The following BMPR1B variants were observed in gnomAD, a reference collection of about 807,000 sequenced individuals.
BMPR1B encodes bone morphogenetic protein receptor type-1B.
BMPR1B carries 12 observed loss-of-function variants against 59.1 expected under a neutral mutation model. That is an observed-to-expected ratio of 0.20 (90% CI 0.13 to 0.33). The LOEUF is 0.33. Ranked by LOEUF, BMPR1B falls within the 10% of genes least tolerant of loss-of-function variation. The pLI is 1.00. For synonymous variants in BMPR1B, 237 were observed against 207.3 expected, an observed-to-expected ratio of 1.14 and a Z score of -1.23; for missense variants, 550 against 610.9, an observed-to-expected ratio of 0.90 and a Z score of 1.05.
chr4:94,783,337 A>G (rs1722650235), intron 1 of BMPR1B, among the ~76,000 whole-genome samples: 1 of 152,116 alleles, frequency 6.6e-6, no homozygotes, highest in South Asian at 2.1e-4. Context: ...CTCTATGGTA[A>G]ACTATCTGGC....
At chr4:94,928,317 T>C (rs1222870390) in intron 2 of BMPR1B, among the ~76,000 whole-genome samples, 4 of 151,918 alleles carry the variant, frequency 2.6e-5, no homozygotes, top group Admixed American at 6.6e-5. Context: ...CATGCACCAC[T>C]GTTTATTTTT....
intron 2 of BMPR1B, among the ~76,000 whole-genome samples, chr4:94,902,162 A>G (rs1457961839): frequency 1.4e-5 from 2 of 145,332 alleles, no homozygotes; most frequent in Admixed American, 7.0e-5. Context: ...TGCTGCGAAT[A>G]TAGCAGTTGA....
At chr4:94,862,013 T>C (rs1390226575) in intron 1 of BMPR1B, among the ~76,000 whole-genome samples, 1 of 151,830 alleles carries the variant, frequency 6.6e-6, no homozygotes, top group Non-Finnish European at 1.5e-5. Context: ...GTAGAAATAA[T>C]AATAGTAGCA....
At chr4:95,124,041 G>A (rs1732727782) in intron 7 of BMPR1B, 135 bp downstream of exon 7, 2 of 643,930 alleles carry the variant, frequency 3.1e-6, no homozygotes, top group African/African-American at 1.8e-5. Context: ...AACTGAAAAT[G>A]TCTGTTACTG....
chr4:95,082,731 G>A (rs146649616), intron 3 of BMPR1B, among the ~76,000 whole-genome samples: 2 of 152,252 alleles, frequency 1.3e-5, no homozygotes, highest in African/African-American at 4.8e-5. Context: ...AAGAGTACAT[G>A]TAAGTGAAGT....
chr4:95,048,240 G>A (rs1726185174), intron 3 of BMPR1B, among the ~76,000 whole-genome samples: 1 of 152,024 alleles, frequency 6.6e-6, no homozygotes, highest in Non-Finnish European at 1.5e-5. Flanking sequence ...ACTGTCAATA[G>A]TGCTGCGATG....
chr4:94,952,560 T>A (rs1472975712), intron 2 of BMPR1B, among the ~76,000 whole-genome samples: 1 of 152,202 alleles, frequency 6.6e-6, no homozygotes, highest in Non-Finnish European at 1.5e-5. Flanking sequence ...TTCCATGTAG[T>A]TGTGCGGTTT....
rs117700870 is a variant in BMPR1B, at chr4:95,150,217, A to G, written c.1252+1294A>G. On this transcript the variant is annotated intron_variant, in intron 11 of 12. Transcript: ENST00000515059. The stretch of plus-strand genomic sequence containing the variant: ...ACTATTTTGTGCAAAAGGAAAGTTA[A>G]TGCAGGAAATTTTCTCTAACCAGAT... Among the ~76,000 whole-genome samples, 279 of 152,324 alleles carry G rather than the reference A, an allele frequency of 1.8e-3. 8 individuals carry two copies. The East Asian group carries it at 0.051, about 28-fold the overall frequency.
intron 2 of BMPR1B, among the ~76,000 whole-genome samples, chr4:94,924,304 A>T (rs185880199): frequency 6.6e-6 from 1 of 152,224 alleles, no homozygotes; most frequent in Admixed American, 6.5e-5. Flanking sequence ...TGTACTCTTA[A>T]GTTGGAGAAG....
At chr4:95,023,975 C>T (rs954695490) in intron 3 of BMPR1B, among the ~76,000 whole-genome samples, 2 of 152,150 alleles carry the variant, frequency 1.3e-5, no homozygotes, top group Non-Finnish European at 2.9e-5. Context: ...AGGTGACCTA[C>T]TCAGAACTGC....
intron 3 of BMPR1B, among the ~76,000 whole-genome samples, chr4:95,051,162 C>CT (rs1346070667): frequency 3.9e-5 from 6 of 152,158 alleles, no homozygotes; most frequent in Admixed American, 6.5e-5. Flanking sequence ...TGTGAGTAAA[C>CT]TACTGTAACA....
chr4:94,815,250 G>A (rs536160395), intron 1 of BMPR1B, among the ~76,000 whole-genome samples: 12 of 152,082 alleles, frequency 7.9e-5, no homozygotes, highest in African/African-American at 2.7e-4. Flanking sequence ...CACATTGTGT[G>A]TCTTTTTGTC....
intron 1 of BMPR1B, among the ~76,000 whole-genome samples, chr4:94,825,359 G>C (rs1197676252): frequency 6.6e-6 from 1 of 151,946 alleles, no homozygotes; most frequent in African/African-American, 2.4e-5. Context: ...TTAAAAATTA[G>C]CTGAGCAGTG....
At chr4:95,036,704 CTTTTTTT>C (rs5860386) in intron 3 of BMPR1B, among the ~76,000 whole-genome samples, 2 of 128,090 alleles carry the variant, frequency 1.6e-5, no homozygotes, top group African/African-American at 3.0e-5. Context: ...ATACAATTTC[CTTTTTTT>C]TTTTTTTTTT....
chr4:95,039,749 A>G lies in BMPR1B; in HGVS notation c.-18+43615A>G, dbSNP rs372758123. Among the ~76,000 whole-genome samples, 12 of 152,256 alleles carry G rather than the reference A, an allele frequency of 7.9e-5. No individual in the cohort carries two copies. The South Asian group carries it at 2.5e-3, about 32-fold the overall frequency. On this transcript the variant is annotated intron_variant, in intron 3 of 12. Transcript: ENST00000515059. Reference sequence around the variant, plus strand: ...ACAAATTTGTAAACTTTCTTAAAACATTATGAGATTTTTTTTGCAATTTTT... The same window carrying G: ...ACAAATTTGTAAACTTTCTTAAAACGTTATGAGATTTTTTTTGCAATTTTT...
chr4:95,099,888 C>T (rs779198231), intron 3 of BMPR1B, among the ~76,000 whole-genome samples: 6 of 152,222 alleles, frequency 3.9e-5, no homozygotes, highest in South Asian at 2.1e-4. Context: ...TACATACGTA[C>T]ATATTCCCAT....
intron 2 of BMPR1B, among the ~76,000 whole-genome samples, chr4:94,960,714 GAA>G (rs913837709): frequency 2.9e-5 from 3 of 104,798 alleles, no homozygotes; most frequent in Admixed American, 1.7e-4. Context: ...AGAGGTGTAT[GAA>G]AAATATATAT....
intron 2 of BMPR1B, among the ~76,000 whole-genome samples, chr4:94,908,000 T>C (rs1034799857): frequency 1.4e-5 from 2 of 140,170 alleles, no homozygotes; most frequent in Non-Finnish European, 3.0e-5. Context: ...TAGTGTGCAA[T>C]GCTCTTACCT....
At chr4:95,087,193 A>G (rs961412912) in intron 3 of BMPR1B, among the ~76,000 whole-genome samples, 2 of 151,846 alleles carry the variant, frequency 1.3e-5, no homozygotes, top group Non-Finnish European at 2.9e-5. Context: ...ACACCTGGCT[A>G]ATTTTTGTAT....
Sources: allele counts gnomAD v4.1 joint callset (sites outside exome capture counted in the v4.1 genomes callset), GRCh38; gene constraint gnomAD v4.1.1; transcripts MANE v1.5; gene names NCBI Gene and HGNC (gene_info 2026-07-23, HGNC 2026-07-21).